Variants in LOXL2 observed in about 807,000 individuals in gnomAD.
The protein encoded by LOXL2 is lysyl oxidase homolog 2.
In LOXL2, 70 loss-of-function variants were observed where a neutral mutation model predicts 93.0. That is an observed-to-expected ratio of 0.75 (90% CI 0.62 to 0.92). LOXL2 has a LOEUF of 0.92. Among genes scored for constraint, LOXL2 ranks in the 40% least tolerant of loss-of-function variants. The probability of loss-of-function intolerance (pLI) is 0.00; values close to 1 mark genes in which losing one functional copy is unlikely to be tolerated. For missense variants in LOXL2, 973 were observed against 1,054.9 expected, an observed-to-expected ratio of 0.92 and a Z score of 1.08; for synonymous variants, 438 against 413.2, an observed-to-expected ratio of 1.06 and a Z score of -0.73.
At chr8:23,355,061 C>T (rs562293448) in intron 3 of LOXL2, among the ~76,000 whole-genome samples, 1 of 149,696 alleles carries the variant, frequency 6.7e-6, no homozygotes, top group Non-Finnish European at 1.5e-5. Context: ...CGGGTTCAAC[C>T]TCAACCTCCC....
chr8:23,339,704 A>G (rs1230210031), intron 4 of LOXL2, among the ~76,000 whole-genome samples: 5 of 152,120 alleles, frequency 3.3e-5, no homozygotes, highest in African/African-American at 1.2e-4. Flanking sequence ...CCAAGGAAGG[A>G]GTCGGGTGGG....
intron 10 of LOXL2, among the ~76,000 whole-genome samples, chr8:23,305,819 G>GTT (rs11348844): frequency 1.3e-5 from 2 of 148,548 alleles, no homozygotes; most frequent in African/African-American, 5.0e-5. Flanking sequence ...TTTTGTTTTT[G>GTT]TTTTTTTTTT....
At chr8:23,341,687 AC>A (rs1038125183) in intron 3 of LOXL2, among the ~76,000 whole-genome samples, 33 of 151,938 alleles carry the variant, frequency 2.2e-4, no homozygotes, top group African/African-American at 7.7e-4. Flanking sequence ...CAGATAGAGG[AC>A]CCCCAGATGT....
intron 1 of LOXL2, among the ~76,000 whole-genome samples, chr8:23,377,007 C>T (rs1321215003): frequency 1.3e-5 from 2 of 152,066 alleles, no homozygotes; most frequent in East Asian, 3.9e-4. Context: ...CCTCTTGCTT[C>T]TCTAGTTCTT....
chr8:23,378,800 T>G (rs1406708749), intron 1 of LOXL2, among the ~76,000 whole-genome samples: 1 of 152,226 alleles, frequency 6.6e-6, no homozygotes, highest in African/African-American at 2.4e-5. Flanking sequence ...TCAGGTCATT[T>G]AAGGACTTCT....
At chr8:23,332,067 G>T (rs550129713) in intron 5 of LOXL2, 1 of 146,394 alleles carries the variant, frequency 6.8e-6, no homozygotes, top group South Asian at 2.2e-4. Flanking sequence ...AAGAAGAAAA[G>T]AAAAGAAAAG....
chr8:23,358,334 G>C (rs949211773), intron 3 of LOXL2, among the ~76,000 whole-genome samples: 7 of 152,220 alleles, frequency 4.6e-5, no homozygotes, highest in Non-Finnish European at 1.0e-4. Flanking sequence ...AGCAGGGTTG[G>C]GCAAATTCCC....
intron 1 of LOXL2, chr8:23,382,531 A>C (rs1211695414): frequency 6.6e-6 from 1 of 152,068 alleles, no homozygotes; most frequent in Non-Finnish European, 1.5e-5. Context: ...AAAAAAAAAA[A>C]AAAAAGTGCA....
intron 1 of LOXL2, among the ~76,000 whole-genome samples, chr8:23,389,010 C>G (rs1804805710): frequency 6.6e-6 from 1 of 152,134 alleles, no homozygotes; most frequent in South Asian, 2.1e-4. Flanking sequence ...ACATTGTTAG[C>G]CCTTGAAGCA....
chr8:23,300,454 C>T (rs1382886447), intron 12 of LOXL2, among the ~76,000 whole-genome samples: 1 of 152,216 alleles, frequency 6.6e-6, no homozygotes, highest in Non-Finnish European at 1.5e-5. Context: ...TCACTTCCTC[C>T]TCGCCCAGCT....
chr8:23,361,972 C>G (rs1007980906), intron 2 of LOXL2, among the ~76,000 whole-genome samples: 1 of 152,188 alleles, frequency 6.6e-6, no homozygotes, highest in Admixed American at 6.5e-5. Flanking sequence ...GAAAACAGTA[C>G]GGTGTTTCCT....
chr8:23,330,202 C>T (rs1286928133), intron 5 of LOXL2, among the ~76,000 whole-genome samples: 2 of 152,098 alleles, frequency 1.3e-5, no homozygotes, highest in Admixed American at 6.5e-5. Flanking sequence ...GGTGCGGTGG[C>T]GGGTGCCTGT....
intron 6 of LOXL2, among the ~76,000 whole-genome samples, chr8:23,323,394 A>G (rs1336117370): frequency 6.6e-6 from 1 of 152,230 alleles, no homozygotes; most frequent in Non-Finnish European, 1.5e-5. Context: ...CCTCTAGGGA[A>G]GCCCTCGCTG....
At chr8:23,298,162 G>A in intron 13 of LOXL2, 40 bp from the exon 14 acceptor site, 1 of 1,520,052 alleles carries the variant, frequency 6.6e-7, no homozygotes, top group Non-Finnish European at 9.1e-7. Flanking sequence ...GGACAAATGA[G>A]ATGCTCGGGC....
intron 1 of LOXL2, among the ~76,000 whole-genome samples, chr8:23,372,338 C>T (rs1804509700): frequency 6.6e-6 from 1 of 151,886 alleles, no homozygotes. Flanking sequence ...CTGCCTTAGC[C>T]CCTCGAGTAG....
chr8:23,388,678 G>T, intron 1 of LOXL2, among the ~76,000 whole-genome samples: 1 of 144,022 alleles, frequency 6.9e-6, no homozygotes, highest in Admixed American at 7.0e-5. Context: ...CACTAGAAAT[G>T]TACATTTACT....
At chr8:23,373,459 C>T (rs73224499) in intron 1 of LOXL2, among the ~76,000 whole-genome samples, 18,460 of 152,144 alleles carry the variant, frequency 0.12, 1,391 homozygotes, top group Admixed American at 0.18. Flanking sequence ...CTCAGCTGCC[C>T]GTGTAGCTGG....
chr8:23,398,867 A>G (rs1800125594), intron 1 of LOXL2, among the ~76,000 whole-genome samples: 2 of 152,080 alleles, frequency 1.3e-5, no homozygotes, highest in Non-Finnish European at 2.9e-5. Context: ...GCTATTCTGA[A>G]AAGGCGCCTA....
At chr8:23,354,250 G>A (rs551696591) in intron 3 of LOXL2, among the ~76,000 whole-genome samples, 2 of 152,200 alleles carry the variant, frequency 1.3e-5, no homozygotes, top group Non-Finnish European at 2.9e-5. Flanking sequence ...ATCTCCAGGG[G>A]TTAATGAGGG....
Sources: allele counts gnomAD v4.1 joint callset (sites outside exome capture counted in the v4.1 genomes callset), GRCh38; gene constraint gnomAD v4.1.1; transcripts MANE v1.5; gene names NCBI Gene and HGNC (gene_info 2026-07-23, HGNC 2026-07-21).